MTNR1A: variants seen among roughly 807,000 people sequenced by gnomAD.
The protein encoded by MTNR1A is melatonin receptor type 1A.
A neutral mutation model predicts 5.5 loss-of-function variants in MTNR1A; 7 were observed. The observed-to-expected ratio is 1.28, with a 90% CI of 0.73 to 2.40. The LOEUF (loss-of-function observed/expected upper bound fraction) is 2.40, where lower values mean the gene tolerates loss of function less well. Among genes scored for constraint, MTNR1A ranks in the 30% most tolerant of loss-of-function variants. MTNR1A has a pLI of 0.00. For synonymous variants in MTNR1A, 196 were observed against 202.7 expected (o/e 0.97, Z 0.28); for missense variants, 441 against 464.4 (o/e 0.95, Z 0.46).
At chr4:186,546,982 C>G (rs76571561) in intron 1 of MTNR1A, among the ~76,000 whole-genome samples, 4 of 28,180 alleles carry the variant, frequency 1.4e-4, no homozygotes, top group Admixed American at 4.3e-4. Context: ...CACCCTGTTC[C>G]TGGGACACAC....
intron 1 of MTNR1A, among the ~76,000 whole-genome samples, chr4:186,554,960 C>T (rs1298749771): frequency 6.6e-6 from 1 of 152,204 alleles, no homozygotes; most frequent in Admixed American, 6.5e-5. Flanking sequence ...GAAAGAGAAC[C>T]CGACTCTGGT....
At chr4:186,548,747 C>T (rs1329402744) in intron 1 of MTNR1A, among the ~76,000 whole-genome samples, 1 of 142,342 alleles carries the variant, frequency 7.0e-6, no homozygotes, top group African/African-American at 2.6e-5. Context: ...AGGGACACAT[C>T]CCAAAAAAAA....
chr4:186,555,050 T>C lies in MTNR1A; in HGVS notation c.184+132A>G. The C allele has an allele frequency of 9.4e-7, 1 of 1,066,080 alleles. No homozygotes were observed. 66.0% of individuals were successfully genotyped at this position (1,066,080 alleles called of 1,614,324 possible). On this transcript the variant is annotated intron_variant, in intron 1 of 1. Coordinates refer to ENST00000307161, the MANE Select transcript of MTNR1A (RefSeq NM_005958.4). The surrounding 1 kb of genome is among the most constrained non-coding windows in gnomAD (Gnocchi z 4.1). ...CAACGGGCAGGCTGGAGAAGAGTCC[T>C]CTCTAACAGGAAAAATAACTCCAAG...
chr4:186,552,676 CGG>C (rs1737287992), intron 1 of MTNR1A, among the ~76,000 whole-genome samples: 1 of 152,118 alleles, frequency 6.6e-6, no homozygotes, highest in Non-Finnish European at 1.5e-5. Flanking sequence ...TGAGGCTAAG[CGG>C]TTGGGTATTA....
intron 1 of MTNR1A, among the ~76,000 whole-genome samples, chr4:186,551,127 C>T (rs1737259168): frequency 6.6e-6 from 1 of 152,178 alleles, no homozygotes; most frequent in South Asian, 2.1e-4. Context: ...CAAGTCTGTA[C>T]AGTACAAGTT....
Position 186,542,238 on chromosome 4 carries a change from C to G in MTNR1A, c.185-7681G>C, listed in dbSNP as rs76671062. Among the ~76,000 whole-genome samples, 1,199 of 152,282 alleles carry G rather than the reference C, an allele frequency of 7.9e-3. 13 individuals are homozygous for G. Among genetic ancestry groups the G allele is most frequent in the African/African-American group, 0.028 (1,163 of 41,546 alleles). On this transcript the variant is annotated intron_variant, in intron 1 of 1. Coordinates refer to ENST00000307161, the MANE Select transcript of MTNR1A (RefSeq NM_005958.4). ...TGGTAGGTGGATTACATACCACTTCCATCATCAAAGGGAGCAGTGGTTTGT... is the reference window on the plus strand; with the variant it reads ...TGGTAGGTGGATTACATACCACTTCGATCATCAAAGGGAGCAGTGGTTTGT...
intron 1 of MTNR1A, among the ~76,000 whole-genome samples, chr4:186,548,016 T>C (rs1198677398): frequency 6.6e-6 from 1 of 152,200 alleles, no homozygotes; most frequent in Non-Finnish European, 1.5e-5. Context: ...GGAAGACGAA[T>C]TACTGATACT....
At chr4:186,551,947 T>C (rs1208172411) in intron 1 of MTNR1A, among the ~76,000 whole-genome samples, 1 of 152,164 alleles carries the variant, frequency 6.6e-6, no homozygotes, top group African/African-American at 2.4e-5. Context: ...TGCACACAGA[T>C]TAAATAATAA....
Position 186,534,520 on chromosome 4 carries a change from C to G in MTNR1A, c.222G>C (p.Leu74=). 1.2e-6 allele frequency: 2 copies of G among 1,613,714 alleles called. No homozygotes were observed. Among genetic ancestry groups the G allele is most frequent in the Non-Finnish European group, 1.7e-6 (2 of 1,180,030 alleles). The change falls in exon 2 of 2, where the codon CTG becomes CTC. Residue 74 remains leucine (L), a synonymous_variant. Transcript: ENST00000307161. ...IFVVSLAVAD[L]VVAIYPYPLV... is the part of the protein sequence containing the mutation. The stretch of plus-strand genomic sequence containing the variant: ...ACGGGTACGGATAAATGGCCACCAC[C>G]AGGTCTGCCACCGCTAAGCTCACCA...
chr4:186,533,672 C>A lies in MTNR1A; in HGVS notation c.*17G>T, dbSNP rs546026620. The A allele has an allele frequency of 1.9e-6, 3 of 1,613,338 alleles. No individual in the cohort carries two copies. Among genetic ancestry groups the A allele is most frequent in the African/African-American group, 1.3e-5 (1 of 74,928 alleles). On this transcript the variant is annotated 3_prime_UTR_variant, in exon 2 of 2. Coordinates refer to ENST00000307161, the MANE Select transcript of MTNR1A (RefSeq NM_005958.4). ...CCTTGCGCAGCGTGTCCATCTCACC[C>A]GGAACGTGGTGCTTTTTTAAACGGA...
chr4:186,537,284 G>A lies in MTNR1A; in HGVS notation c.185-2727C>T, dbSNP rs377397422. ...GGTGTGTGGTGTCTGGGCGGAGAAG[G>A]AAAAAGGGAATTTCCTTTTTTCTTT... On this transcript the variant is annotated intron_variant, in intron 1 of 1. Coordinates refer to ENST00000307161, the MANE Select transcript of MTNR1A (RefSeq NM_005958.4). 5.3e-5 allele frequency among the ~76,000 whole-genome samples: 8 copies of A among 152,040 alleles called. No homozygotes were observed. The East Asian group carries it at 1.2e-3, about 22-fold the overall frequency.
chr4:186,545,641 C>T (rs930865037), intron 1 of MTNR1A, among the ~76,000 whole-genome samples: 3 of 152,180 alleles, frequency 2.0e-5, no homozygotes, highest in African/African-American at 7.2e-5. Flanking sequence ...TCTTTCATTT[C>T]AGCCTGGACT....
At chr4:186,536,473 G>GA (rs1171411174) in intron 1 of MTNR1A, among the ~76,000 whole-genome samples, 2 of 152,200 alleles carry the variant, frequency 1.3e-5, no homozygotes, top group African/African-American at 4.8e-5. Context: ...GCCCCAGGTG[G>GA]ACGGACAGAA....
intron 1 of MTNR1A, among the ~76,000 whole-genome samples, chr4:186,535,232 A>G (rs1268821172): frequency 2.0e-5 from 3 of 152,120 alleles, no homozygotes; most frequent in South Asian, 2.1e-4. Context: ...CGTGTCTTAC[A>G]CCATAGAAAT....
intron 1 of MTNR1A, among the ~76,000 whole-genome samples, chr4:186,535,237 A>G (rs899298671): frequency 6.6e-6 from 1 of 152,172 alleles, no homozygotes; most frequent in African/African-American, 2.4e-5. Context: ...CTTACACCAT[A>G]GAAATGTTCT....
At chr4:186,548,299 T>C (rs73024717) in intron 1 of MTNR1A, among the ~76,000 whole-genome samples, 1,793 of 152,188 alleles carry the variant, frequency 0.012, 36 homozygotes, top group African/African-American at 0.04. Context: ...TAGAACCCTA[T>C]TTATATATGA....
At chr4:186,539,898 C>T (rs2038594685) in intron 1 of MTNR1A, among the ~76,000 whole-genome samples, 1 of 152,170 alleles carries the variant, frequency 6.6e-6, no homozygotes, top group South Asian at 2.1e-4. Context: ...CCATAGACAC[C>T]CAAATTCATG....
intron 1 of MTNR1A, among the ~76,000 whole-genome samples, chr4:186,548,588 G>A (rs1737203025): frequency 6.6e-6 from 1 of 151,594 alleles, no homozygotes; most frequent in Non-Finnish European, 1.5e-5. Context: ...TATACAGCAA[G>A]CCATTTAGTC....
At chr4:186,544,214 T>G (rs747762641) in intron 1 of MTNR1A, among the ~76,000 whole-genome samples, 3 of 152,126 alleles carry the variant, frequency 2.0e-5, no homozygotes, top group Non-Finnish European at 2.9e-5. Context: ...TGAGATGGGA[T>G]TTCACCATAT....
Sources: allele counts gnomAD v4.1 joint callset (sites outside exome capture counted in the v4.1 genomes callset), GRCh38; gene constraint gnomAD v4.1.1; non-coding constraint Gnocchi (gnomAD v3.1); transcripts MANE v1.5; gene names NCBI Gene and HGNC (gene_info 2026-07-23, HGNC 2026-07-21).